The following SLIT3 variants were observed in gnomAD, a reference collection of about 807,000 sequenced individuals.
SLIT3 encodes slit homolog 3 protein.
In SLIT3, 68 loss-of-function variants were observed where a neutral mutation model predicts 184.0. The observed-to-expected ratio is 0.37, with a 90% CI of 0.30 to 0.45. The LOEUF (loss-of-function observed/expected upper bound fraction) is 0.45. SLIT3 is among the 20% of genes least tolerant of loss of function. The pLI, the probability that SLIT3 is intolerant of heterozygous loss-of-function variation, is 1.00. For missense variants in SLIT3, 1,707 were observed against 2,026.0 expected (o/e 0.84, Z 3.02); for synonymous variants, 831 against 828.6 (o/e 1.00, Z -0.05).
intron 4 of SLIT3, among the ~76,000 whole-genome samples, chr5:169,175,561 C>G (rs1408075129): frequency 1.3e-5 from 2 of 152,178 alleles, no homozygotes; most frequent in Admixed American, 1.3e-4. Flanking sequence ...TTTAGAGCCC[C>G]TGGTGCTTTG....
chr5:168,757,905 T>G (rs2113492580), intron 16 of SLIT3, among the ~76,000 whole-genome samples: 1 of 152,328 alleles, frequency 6.6e-6, no homozygotes, highest in East Asian at 1.9e-4. Context: ...TTATTTCTAT[T>G]ATGTAAATGA....
intron 5 of SLIT3, among the ~76,000 whole-genome samples, chr5:168,860,628 C>G (rs755585151): frequency 6.6e-6 from 1 of 152,098 alleles, no homozygotes; most frequent in Non-Finnish European, 1.5e-5. Context: ...CTTTCAGATA[C>G]AGACCAACCA....
intron 4 of SLIT3, among the ~76,000 whole-genome samples, chr5:169,095,024 G>A (rs1274858929): frequency 6.6e-6 from 1 of 152,194 alleles, no homozygotes; most frequent in Non-Finnish European, 1.5e-5. Context: ...GGACCAGGAG[G>A]AGGACACGAA....
chr5:169,008,817 A>G (rs1320807191), intron 4 of SLIT3, among the ~76,000 whole-genome samples: 1 of 152,178 alleles, frequency 6.6e-6, no homozygotes, highest in African/African-American at 2.4e-5. Flanking sequence ...AACTATTCTG[A>G]AAGCAATAAT....
chr5:169,197,093 C>A (rs1351574753), intron 3 of SLIT3, among the ~76,000 whole-genome samples: 1 of 152,192 alleles, frequency 6.6e-6, no homozygotes, highest in East Asian at 1.9e-4. Flanking sequence ...ACCAGCTTGG[C>A]TCCAAGGCTC....
chr5:168,696,531 T>C (rs1762070839), intron 27 of SLIT3, 100 bp from the exon 28 acceptor site: 3 of 1,419,060 alleles, frequency 2.1e-6, no homozygotes, highest in East Asian at 2.3e-5. Context: ...ATACAATTAG[T>C]TTTTCCTCCA....
chr5:169,001,819 C>A (rs927177337), intron 4 of SLIT3, among the ~76,000 whole-genome samples: 2 of 152,188 alleles, frequency 1.3e-5, no homozygotes, highest in Non-Finnish European at 2.9e-5. Flanking sequence ...TCTTAGCCTA[C>A]CCTTCCTGGT....
At position 169,244,726 on chromosome 5, in the gene SLIT3, T is replaced by C; in HGVS notation, c.320A>G (p.Asp107Gly). Residue 107 changes from aspartate (D) to glycine (G), a missense_variant, in exon 3 of 36, where the codon GAC becomes GGC. Physicochemically the swap from Asp to Gly is moderately conservative, Grantham distance 94 (BLOSUM62 -1). Coordinates refer to ENST00000519560, the MANE Select transcript of SLIT3 (RefSeq NM_003062.4). ...VSVIERGAFQ[D>G]LKQLERLRLN... Reference sequence around the variant, plus strand: ...TTACAGTCGCTCTAGCTGCTTCAGGTCCTGGAAGGCGCCTCTCTCGATGAC... The same window carrying C: ...TTACAGTCGCTCTAGCTGCTTCAGGCCCTGGAAGGCGCCTCTCTCGATGAC... 6.2e-7 allele frequency: 1 copy of C among 1,613,978 alleles called. No homozygotes were observed. Among genetic ancestry groups the C allele is most frequent in the Non-Finnish European group, 8.5e-7 (1 of 1,179,960 alleles).
At chr5:169,174,275 TGA>T (rs1225688502) in intron 4 of SLIT3, among the ~76,000 whole-genome samples, 2 of 152,274 alleles carry the variant, frequency 1.3e-5, no homozygotes, top group East Asian at 3.9e-4. Context: ...ATGATAATCC[TGA>T]GAGTCCTAAA....
At chr5:169,102,502 A>G (rs563392816) in intron 4 of SLIT3, among the ~76,000 whole-genome samples, 1 of 152,184 alleles carries the variant, frequency 6.6e-6, no homozygotes, top group African/African-American at 2.4e-5. Context: ...GATTACTTAT[A>G]ATACCTAATG....
At chr5:168,719,080 T>C (rs1237034313) in intron 23 of SLIT3, among the ~76,000 whole-genome samples, 1 of 152,254 alleles carries the variant, frequency 6.6e-6, no homozygotes, top group Non-Finnish European at 1.5e-5. Flanking sequence ...AACAAGGTCT[T>C]GCTCTGTGTT....
intron 4 of SLIT3, among the ~76,000 whole-genome samples, chr5:168,980,268 T>G (rs1754904486): frequency 1.3e-5 from 2 of 152,168 alleles, no homozygotes; most frequent in African/African-American, 2.4e-5. Flanking sequence ...GCCCGGGTTC[T>G]GAGATGCGTG....
At chr5:168,746,508 T>G (rs1754426725) in intron 20 of SLIT3, among the ~76,000 whole-genome samples, 1 of 70,154 alleles carries the variant, frequency 1.4e-5, no homozygotes, top group African/African-American at 5.8e-5. Flanking sequence ...GTGTGGTGTG[T>G]GAGTGTGGTG....
intron 4 of SLIT3, among the ~76,000 whole-genome samples, chr5:169,178,351 G>A: frequency 6.6e-6 from 1 of 152,180 alleles, no homozygotes; most frequent in East Asian, 1.9e-4. Context: ...CCCTGCCTCA[G>A]TTTCTCCAAT....
At chr5:168,867,943 T>C (rs1013682216) in intron 5 of SLIT3, among the ~76,000 whole-genome samples, 8 of 152,336 alleles carry the variant, frequency 5.3e-5, no homozygotes, top group African/African-American at 1.4e-4. Context: ...GGCCAGTAGT[T>C]GAATGGGACC....
At chr5:168,903,315 G>A (rs139533331) in intron 4 of SLIT3, among the ~76,000 whole-genome samples, 3 of 152,292 alleles carry the variant, frequency 2.0e-5, no homozygotes, top group Non-Finnish European at 4.4e-5. Context: ...CAGGCTTCCT[G>A]GGGGTGCAAA....
At chr5:169,128,861 C>A (rs188431) in intron 4 of SLIT3, among the ~76,000 whole-genome samples, 104,935 of 152,032 alleles carry the variant, frequency 0.69, 36,607 homozygotes, top group East Asian at 0.93. Flanking sequence ...GCATTGCACA[C>A]TCCAGGCGAC....
intron 4 of SLIT3, among the ~76,000 whole-genome samples, chr5:169,052,063 C>A (rs1037678505): frequency 1.2e-4 from 18 of 147,708 alleles, no homozygotes; most frequent in Non-Finnish European, 4.5e-5. Flanking sequence ...AGAAAGATGC[C>A]CCCCTCCAGC....
rs1761265244 is a variant in SLIT3 at position 168,911,921 on chromosome 5, A to G, written c.414-28585T>C. On this transcript the variant is annotated intron_variant, in intron 4 of 35. Coordinates refer to ENST00000519560, the MANE Select transcript of SLIT3 (RefSeq NM_003062.4). Reference sequence around the variant, plus strand: ...TGCTGAACTCCCGTTTATTTTTTGCATTGACTTTCACTTACACAACAATCC... The same window carrying G: ...TGCTGAACTCCCGTTTATTTTTTGCGTTGACTTTCACTTACACAACAATCC... Among the ~76,000 whole-genome samples, 5 of 152,200 alleles carry G rather than the reference A, an allele frequency of 3.3e-5. No homozygotes were observed. In the South Asian group the frequency reaches 8.3e-4, roughly 25 times the overall value.
Sources: gnomAD v4.1 joint callset for allele counts (sites outside exome capture counted in the v4.1 genomes callset) on GRCh38, gnomAD v4.1.1 for gene constraint, MANE v1.5 for transcripts, NCBI Gene and HGNC (gene_info 2026-07-23, HGNC 2026-07-21) for gene names.